Variants in ZFHX3 observed in about 807,000 individuals in gnomAD.
ZFHX3 encodes the protein zinc finger homeobox 3.
A neutral mutation model predicts 279.1 loss-of-function variants in ZFHX3; 42 were observed. The ratio of observed to expected loss-of-function variants is 0.15; its 90% CI spans 0.12 to 0.19. The LOEUF is 0.19. ZFHX3 is among the 10% of genes least tolerant of loss of function. ZFHX3 has a pLI of 1.00. For synonymous variants in ZFHX3, 2,293 were observed against 1,957.8 expected, an observed-to-expected ratio of 1.17 and a Z score of -4.52; for missense variants, 4,981 against 4,754.0, an observed-to-expected ratio of 1.05 and a Z score of -1.40.
chr16:73,504,504 AG>A (rs1297267430), intron 2 of ZFHX3: 2 of 152,248 alleles, frequency 1.3e-5, no homozygotes, highest in African/African-American at 4.8e-5. Flanking sequence ...GTAGCTTAAA[AG>A]AAGAAGAAGT....
chr16:73,276,007 T>C (rs1231660370), intron 4 of ZFHX3, among the ~76,000 whole-genome samples: 1 of 151,964 alleles, frequency 6.6e-6, no homozygotes, highest in Non-Finnish European at 1.5e-5. Flanking sequence ...GGAAGGATGA[T>C]ATTGGGAACT....
intron 1 of ZFHX3, among the ~76,000 whole-genome samples, chr16:73,018,576 C>T (rs768327224): frequency 3.6e-4 from 55 of 152,000 alleles, no homozygotes; most frequent in Admixed American, 5.2e-4. Context: ...TCCAGCCTGG[C>T]GACAGAGTGA....
intron 7 of ZFHX3, among the ~76,000 whole-genome samples, chr16:73,118,978 C>T (rs1307763196): frequency 6.6e-6 from 1 of 152,158 alleles, no homozygotes; most frequent in East Asian, 1.9e-4. Flanking sequence ...CAGGCAGTAC[C>T]TTTTATTTCC....
At chr16:72,831,614 G>A (rs1412220229) in intron 4 of ZFHX3, among the ~76,000 whole-genome samples, 2 of 152,166 alleles carry the variant, frequency 1.3e-5, no homozygotes, top group South Asian at 2.1e-4. Context: ...ATTACACAGC[G>A]TGACACAGGA....
At chr16:73,144,470 G>A (rs1037272470) in intron 5 of ZFHX3, 2 of 152,208 alleles carry the variant, frequency 1.3e-5, no homozygotes, top group Non-Finnish European at 2.9e-5. Context: ...AGCTCCCGAA[G>A]GGTTAAGCCA....
Position 73,406,787 on chromosome 16 carries a change from T to A in ZFHX3, c.-1291+49216A>T, listed in dbSNP as rs142513701. ...GTGATTTGCACTAACAGGGTATTAGTGGCATGAAGATGTCTGCAAAAGAAC... is the reference window on the plus strand; with the variant it reads ...GTGATTTGCACTAACAGGGTATTAGAGGCATGAAGATGTCTGCAAAAGAAC... On this transcript the variant is annotated intron_variant, in intron 3 of 17. Transcript: ENST00000641206. 5.3e-3 allele frequency among the ~76,000 whole-genome samples: 808 copies of A among 152,328 alleles called. 8 individuals are homozygous for A. The highest frequency in any genetic ancestry group is 0.012 in the South Asian group (56 of 4,824).
chr16:73,301,899 G>A (rs765294288), intron 4 of ZFHX3, among the ~76,000 whole-genome samples: 20 of 152,028 alleles, frequency 1.3e-4, no homozygotes, highest in South Asian at 4.2e-4. Context: ...GCAAAGAAGC[G>A]GAGATGAAAC....
At chr16:73,266,639 A>T (rs2013984483) in intron 4 of ZFHX3, among the ~76,000 whole-genome samples, 1 of 152,218 alleles carries the variant, frequency 6.6e-6, no homozygotes, top group African/African-American at 2.4e-5. Flanking sequence ...CTCATCTTGA[A>T]TTGTAGCTTT....
chr16:73,230,652 A>G (rs1002035188), intron 5 of ZFHX3, among the ~76,000 whole-genome samples: 1 of 152,102 alleles, frequency 6.6e-6, no homozygotes, highest in African/African-American at 2.4e-5. Context: ...CAGTAGACCT[A>G]CTCGGGAAGG....
chr16:73,416,530 T>A lies in ZFHX3; in HGVS notation c.-1291+39473A>T, dbSNP rs540746876. ...CCTGTGAGGATACCACAGTCATAAA[T>A]GTCGTAGGCAAGACCGGTGCTGCCA... On this transcript the variant is annotated intron_variant, in intron 3 of 17. Coordinates refer to the ZFHX3 transcript ENST00000641206. Among the ~76,000 whole-genome samples the A allele has an allele frequency of 2.6e-5, 4 of 152,256 alleles. No homozygotes were observed. The East Asian group carries it at 7.7e-4, about 29-fold the overall frequency.
chr16:73,194,096 T>C (rs577537124), intron 5 of ZFHX3, among the ~76,000 whole-genome samples: 1 of 152,312 alleles, frequency 6.6e-6, no homozygotes, highest in South Asian at 2.1e-4. Flanking sequence ...GCCCCTAAAC[T>C]TCACATATAT....
At chr16:72,837,619 C>A (rs1332478567) in intron 4 of ZFHX3, among the ~76,000 whole-genome samples, 1 of 146,184 alleles carries the variant, frequency 6.8e-6, no homozygotes, top group Non-Finnish European at 1.5e-5. Context: ...GCACATGCCA[C>A]CACGCCTAGA....
At chr16:73,811,666 C>T (rs1412638101) in intron 1 of ZFHX3, among the ~76,000 whole-genome samples, 4 of 152,020 alleles carry the variant, frequency 2.6e-5, no homozygotes, top group African/African-American at 9.7e-5. Flanking sequence ...AGGCTGGTCT[C>T]GAACTCCTCA....
At chr16:73,204,968 C>T (rs2144903566) in intron 5 of ZFHX3, among the ~76,000 whole-genome samples, 1 of 152,256 alleles carries the variant, frequency 6.6e-6, no homozygotes. Flanking sequence ...ACAAGGGAGC[C>T]TAATCTTACT....
At chr16:73,202,043 A>T (rs1202060381) in intron 5 of ZFHX3, among the ~76,000 whole-genome samples, 2 of 151,544 alleles carry the variant, frequency 1.3e-5, no homozygotes, top group Admixed American at 6.6e-5. Flanking sequence ...TGGGAAGAAC[A>T]TTTTTTTTTA....
At chr16:73,274,683 T>C (rs1274227456) in intron 4 of ZFHX3, among the ~76,000 whole-genome samples, 1 of 152,226 alleles carries the variant, frequency 6.6e-6, no homozygotes, top group Non-Finnish European at 1.5e-5. Context: ...CAATACCAAA[T>C]TGCTTTAATT....
chr16:73,077,769 G>T (rs1045743188), intron 8 of ZFHX3, among the ~76,000 whole-genome samples: 1 of 152,152 alleles, frequency 6.6e-6, no homozygotes, highest in Non-Finnish European at 1.5e-5. Context: ...TGCCGATCGT[G>T]TCAATCATGT....
At chr16:73,717,987 G>C (rs16972361) in intron 1 of ZFHX3, among the ~76,000 whole-genome samples, 3,150 of 152,268 alleles carry the variant, frequency 0.021, 89 homozygotes, top group African/African-American at 0.071. Context: ...GTGATGTTTT[G>C]TTCCAAGTGG....
At chr16:73,528,313 T>C (rs1378138421) in intron 2 of ZFHX3, among the ~76,000 whole-genome samples, 1 of 152,246 alleles carries the variant, frequency 6.6e-6, no homozygotes, top group African/African-American at 2.4e-5. Context: ...TTATCTGTCC[T>C]TGATGGATAT....
Sources: gnomAD v4.1 joint callset for allele counts (sites outside exome capture counted in the v4.1 genomes callset) on GRCh38, gnomAD v4.1.1 for gene constraint, MANE v1.5 for transcripts, NCBI Gene and HGNC (gene_info 2026-07-23, HGNC 2026-07-21) for gene names.